The following GFI1B variants were observed in gnomAD, a reference collection of about 807,000 sequenced individuals.
GFI1B encodes zinc finger protein Gfi-1b.
Under a neutral mutation model 35.3 loss-of-function variants are expected in GFI1B, and 20 were observed. The observed-to-expected ratio is 0.57, with a 90% CI of 0.40 to 0.82. GFI1B has a LOEUF of 0.82. GFI1B is among the 40% of genes least tolerant of loss of function. The probability of loss-of-function intolerance (pLI) is 0.00; values close to 1 mark genes in which losing one functional copy is unlikely to be tolerated. For synonymous variants in GFI1B, 178 were observed against 177.6 expected (o/e 1.00, Z -0.02); for missense variants, 430 against 446.3 (o/e 0.96, Z 0.33).
At chr9:132,948,757 C>T (rs970501607) in intron 1 of GFI1B, among the ~76,000 whole-genome samples, 6 of 152,242 alleles carry the variant, frequency 3.9e-5, no homozygotes, top group Admixed American at 2.6e-4. Context: ...TACCAAGGAA[C>T]GCCCAGAGGC....
chr9:132,955,808 ATG>A (rs3049917), intron 1 of GFI1B, among the ~76,000 whole-genome samples: 14,325 of 146,376 alleles, frequency 0.098, 706 homozygotes, highest in African/African-American at 0.11. Flanking sequence ...GTGTGTGTGC[ATG>A]TGTGTGTGTG....
chr9:132,989,078 C>A lies in GFI1B; in HGVS notation c.528C>A (p.His176Gln), dbSNP rs138653823. The A allele has an allele frequency of 4.3e-6, 7 of 1,614,058 alleles. No individual in the cohort carries two copies. Among genetic ancestry groups the A allele is most frequent in the Non-Finnish European group, 5.1e-6 (6 of 1,179,910 alleles). The change falls in exon 5 of 7, where the codon CAC (histidine) becomes CAA (glutamine). Residue 176 changes from histidine to glutamine, a missense_variant. By Grantham distance (24) the His-to-Gln change is conservative (BLOSUM62 0). Coordinates refer to ENST00000372122, the MANE Select transcript of GFI1B (RefSeq NM_001377304.1). The surrounding 1 kb of genome is among the most constrained non-coding windows in gnomAD (Gnocchi z 6.2). ...GCTCCCAGGTCTTCTCCACCCCTCA[C>A]GGGCTCGAAGTGCATGTGCGACGCT... ...VKCNKVFSTP[H>Q]GLEVHVRRSH...
chr9:132,968,674 C>T (rs147517538), intron 1 of GFI1B, among the ~76,000 whole-genome samples: 8 of 152,114 alleles, frequency 5.3e-5, no homozygotes, highest in South Asian at 4.2e-4. Flanking sequence ...AGATCCTAAT[C>T]GCAAGGTAGG....
intron 1 of GFI1B, among the ~76,000 whole-genome samples, chr9:132,966,114 C>T (rs1050770380): frequency 1.3e-5 from 2 of 152,184 alleles, no homozygotes; most frequent in Admixed American, 6.5e-5. Context: ...TTTCTCAGCA[C>T]TTGAGAGGTC....
chr9:132,973,428 C>G (rs977835003), intron 2 of GFI1B, among the ~76,000 whole-genome samples: 1 of 152,242 alleles, frequency 6.6e-6, no homozygotes, highest in Non-Finnish European at 1.5e-5. Flanking sequence ...TGCTGAGGCC[C>G]GGCCCACGCC....
chr9:132,946,183 G>C (rs1355781498), intron 1 of GFI1B, among the ~76,000 whole-genome samples: 1 of 152,164 alleles, frequency 6.6e-6, no homozygotes, highest in Non-Finnish European at 1.5e-5. Context: ...AAATTGAACT[G>C]ATGATTCCTC....
chr9:132,955,150 G>A (rs1016299884), intron 1 of GFI1B, among the ~76,000 whole-genome samples: 3 of 152,086 alleles, frequency 2.0e-5, no homozygotes, highest in Non-Finnish European at 4.4e-5. Flanking sequence ...TCTACTTAAA[G>A]AACTTCCTTT....
At chr9:132,955,257 T>A (rs1848265661) in intron 1 of GFI1B, among the ~76,000 whole-genome samples, 1 of 152,138 alleles carries the variant, frequency 6.6e-6, no homozygotes, top group Non-Finnish European at 1.5e-5. Flanking sequence ...TTGCTGGGTA[T>A]AGAATTCTAG....
intron 1 of GFI1B, among the ~76,000 whole-genome samples, chr9:132,958,486 G>A (rs955348302): frequency 1.3e-5 from 2 of 152,144 alleles, no homozygotes; most frequent in Admixed American, 6.6e-5. Flanking sequence ...AAGAGACAGC[G>A]AGGAGGTGCC....
chr9:132,992,865 T>C (rs1020106952), downstream of GFI1B, among the ~76,000 whole-genome samples: 2 of 152,112 alleles, frequency 1.3e-5, no homozygotes, highest in Non-Finnish European at 2.9e-5. Flanking sequence ...TGGACACCTC[T>C]GAATGAACTT....
At chr9:132,965,177 A>C (rs1258659503) in intron 1 of GFI1B, among the ~76,000 whole-genome samples, 3 of 152,220 alleles carry the variant, frequency 2.0e-5, no homozygotes, top group Non-Finnish European at 2.9e-5. Flanking sequence ...GAACACTGAA[A>C]CAGCTTAGAG....
chr9:132,956,500 C>G (rs1378227770), intron 1 of GFI1B, among the ~76,000 whole-genome samples: 1 of 152,236 alleles, frequency 6.6e-6, no homozygotes, highest in African/African-American at 2.4e-5. Flanking sequence ...CAGTCCCAGA[C>G]AGAGACTCCA....
intron 1 of GFI1B, among the ~76,000 whole-genome samples, chr9:132,954,746 TCTCA>T (rs1848258144): frequency 6.7e-6 from 1 of 149,052 alleles, no homozygotes; most frequent in African/African-American, 2.5e-5. Context: ...TGAGATGGAG[TCTCA>T]CTCTGTTGCC....
At chr9:132,992,667 T>C (rs1849323550), downstream of GFI1B, among the ~76,000 whole-genome samples, 1 of 152,196 alleles carries the variant, frequency 6.6e-6, no homozygotes, top group South Asian at 2.1e-4. Context: ...GAAGCCTCCC[T>C]GGGTCATCCA....
At chr9:132,952,506 A>G (rs773006922) in intron 1 of GFI1B, 4 of 152,018 alleles carry the variant, frequency 2.6e-5, no homozygotes, top group Non-Finnish European at 5.9e-5. Context: ...AGGTCTCCCT[A>G]TGCTGCCCAG....
rs565601701 is a variant in GFI1B at position 132,981,602 on chromosome 9, C to T, written c.-21+2761C>T. Among the ~76,000 whole-genome samples, 43 of 152,156 alleles carry T rather than the reference C, an allele frequency of 2.8e-4. 1 individual carries two copies. The South Asian group carries it at 8.3e-3, about 29-fold the overall frequency. On this transcript the variant is annotated intron_variant, in intron 1 of 6. Transcript: ENST00000372122. The stretch of plus-strand genomic sequence containing the variant: ...ACAGTGGGCCAAGATCAAACCACTG[C>T]ACTCCAGCCCAGGTGACAGAGTGAG...
At chr9:132,992,576 G>A (rs773101782), downstream of GFI1B, among the ~76,000 whole-genome samples, 25 of 152,106 alleles carry the variant, frequency 1.6e-4, no homozygotes, top group Non-Finnish European at 1.0e-4. Context: ...AGCCCAGCAC[G>A]TAGTAAGTGC....
intron 1 of GFI1B, among the ~76,000 whole-genome samples, chr9:132,958,442 G>A (rs1011751201): frequency 3.3e-5 from 5 of 152,190 alleles, no homozygotes; most frequent in Non-Finnish European, 4.4e-5. Flanking sequence ...CAAATGGAAA[G>A]CAGGCACGTC....
chr9:132,961,252 C>T (rs1339616771), intron 1 of GFI1B, among the ~76,000 whole-genome samples: 2 of 151,860 alleles, frequency 1.3e-5, no homozygotes, highest in Non-Finnish European at 2.9e-5. Flanking sequence ...CAAAGCAAAA[C>T]AAAACAAAAC....
Sources: gnomAD v4.1 joint callset for allele counts (sites outside exome capture counted in the v4.1 genomes callset) on GRCh38, gnomAD v4.1.1 for gene constraint, Gnocchi (gnomAD v3.1) non-coding constraint, MANE v1.5 for transcripts, NCBI Gene and HGNC (gene_info 2026-07-23, HGNC 2026-07-21) for gene names.